HSPBP1: variants seen among roughly 807,000 people sequenced by gnomAD.
The protein encoded by HSPBP1 is HSPA (Hsp70) binding protein 1.
In HSPBP1, 31 loss-of-function variants were observed where a neutral mutation model predicts 41.7. The ratio of observed to expected loss-of-function variants is 0.74; its 90% CI spans 0.56 to 1.00. The LOEUF (loss-of-function observed/expected upper bound fraction) is 1.00. Ranked by LOEUF, HSPBP1 falls within the 50% of genes least tolerant of loss-of-function variation. HSPBP1 has a pLI of 0.00. For missense variants in HSPBP1, 439 were observed against 487.9 expected, an observed-to-expected ratio of 0.90 and a Z score of 0.94; for synonymous variants, 199 against 214.4, an observed-to-expected ratio of 0.93 and a Z score of 0.63.
chr19:55,266,055 C>T, intron 5 of HSPBP1, 73 bp from the exon 6 acceptor site: 1 of 1,561,738 alleles, frequency 6.4e-7, no homozygotes. Context: ...ATGCCTGTTC[C>T]TCCCCTTCTC....
chr19:55,278,923 C>CCCCAA (rs764250410), intron 2 of HSPBP1, among the ~76,000 whole-genome samples: 130 of 90,630 alleles, frequency 1.4e-3, no homozygotes, highest in East Asian at 1.9e-3. Context: ...CTGCCCCCAC[C>CCCCAA]AAAAAAAAAA....
At chr19:55,278,289 T>C (rs746812530) in intron 2 of HSPBP1, among the ~76,000 whole-genome samples, 4 of 152,178 alleles carry the variant, frequency 2.6e-5, no homozygotes, top group Admixed American at 2.6e-4. Flanking sequence ...GCTGGAATTT[T>C]TGGGGGTGAG....
intron 4 of HSPBP1, 32 bp downstream of exon 4, chr19:55,274,366 A>G: frequency 4.4e-6 from 1 of 228,480 alleles, no homozygotes; most frequent in East Asian, 1.1e-4. Flanking sequence ...CACCGCCAGC[A>G]CCCCTGTCCC....
intron 3 of HSPBP1, among the ~76,000 whole-genome samples, chr19:55,276,700 G>C (rs528016479): frequency 9.2e-5 from 14 of 152,228 alleles, no homozygotes; most frequent in African/African-American, 3.1e-4. Flanking sequence ...ATTGGAGCAG[G>C]AGTTCTCTGC....
At chr19:55,273,049 A>C (rs4806655) in intron 4 of HSPBP1, among the ~76,000 whole-genome samples, 36,831 of 151,994 alleles carry the variant, frequency 0.24, 4,682 homozygotes, top group Middle Eastern at 0.34. Flanking sequence ...CAGGCTGGAG[A>C]TGCAATCATG....
chr19:55,273,482 C>G (rs1435114580), intron 4 of HSPBP1, among the ~76,000 whole-genome samples: 7 of 152,208 alleles, frequency 4.6e-5, no homozygotes, highest in Admixed American at 1.3e-4. Context: ...TCTCCAGACC[C>G]CCTGGCCCGA....
chr19:55,274,345 G>GGCCCCCCCCCC, intron 4 of HSPBP1, 53 bp downstream of exon 4: 3 of 552,674 alleles, frequency 5.4e-6, no homozygotes, highest in East Asian at 7.5e-5. Flanking sequence ...GGCCCACCCG[G>GGCCCCCCCCCC]CACCCCCCCC....
chr19:55,264,837 C>G (rs990301449), intron 7 of HSPBP1, among the ~76,000 whole-genome samples: 1 of 152,128 alleles, frequency 6.6e-6, no homozygotes, highest in African/African-American at 2.4e-5. Context: ...GTGAAATGCA[C>G]GAGAACACGA....
Position 55,264,670 on chromosome 19 carries a change from T to G in HSPBP1, c.1005+608A>C, listed in dbSNP as rs1377723284. ...TTATATTCAATTTACATTTACTTAA[T>G]GTAAAACAACTGTATTGGGTAATTT... On this transcript the variant is annotated intron_variant, in intron 7 of 7. Coordinates refer to ENST00000433386, the MANE Select transcript of HSPBP1 (RefSeq NM_012267.5). 2.6e-5 allele frequency among the ~76,000 whole-genome samples: 4 copies of G among 152,236 alleles called. No homozygotes were observed. In the East Asian group the frequency reaches 7.7e-4, roughly 29 times the overall value.
chr19:55,266,021 C>A (rs766289287), intron 5 of HSPBP1, 39 bp from the exon 6 acceptor site: 1 of 1,572,382 alleles, frequency 6.4e-7, no homozygotes, highest in South Asian at 1.2e-5. Flanking sequence ...GGCAGCCCCA[C>A]CCATCTCCTA....
chr19:55,267,266 T>C (rs2122823539), intron 4 of HSPBP1, among the ~76,000 whole-genome samples: 2 of 152,300 alleles, frequency 1.3e-5, no homozygotes, highest in East Asian at 3.9e-4. Context: ...TTCTTCAGCC[T>C]CAGCCCCCCA....
chr19:55,267,139 TTTATTTATTTAC>T (rs1333590613), intron 4 of HSPBP1, among the ~76,000 whole-genome samples: 3 of 152,190 alleles, frequency 2.0e-5, no homozygotes, highest in Non-Finnish European at 4.4e-5. Flanking sequence ...ATTTTTTTAT[TTTATTTATTTAC>T]TTATTTATTT....
chr19:55,279,886 C>T (rs2088186662), intron 1 of HSPBP1, 149 bp downstream of exon 1: 8 of 607,974 alleles, frequency 1.3e-5, no homozygotes, highest in Middle Eastern at 4.4e-4. Context: ...TGGCAACAAC[C>T]CCCCTTCCCC....
chr19:55,279,810 C>T (rs2088184877), intron 1 of HSPBP1, 108 bp from the exon 2 acceptor site: 1 of 1,267,820 alleles, frequency 7.9e-7, no homozygotes, highest in Admixed American at 2.2e-5. Context: ...TTCATACCCA[C>T]AGGACCCTTC....
intron 7 of HSPBP1, 139 bp from the exon 8 acceptor site, chr19:55,262,821 T>A (rs1253209542): frequency 2.3e-5 from 16 of 704,596 alleles, no homozygotes; most frequent in Admixed American, 1.7e-4. Flanking sequence ...TAGGCTTTTT[T>A]AATCACTGCT....
Position 55,262,667 on chromosome 19 carries a change from A to G in HSPBP1, c.1021T>C (p.Cys341Arg). 6.2e-7 allele frequency: 1 copy of G among 1,613,476 alleles called. No individual in the cohort carries two copies. The highest frequency in any genetic ancestry group is 8.5e-7 in the Non-Finnish European group (1 of 1,179,700). ...AAACAGGTCTGTAGCAGCTTTTCAC[A>G]GAACTCCAGCTCCTCCTGGATTGGG... is the stretch of plus-strand genomic sequence containing the variant. ...HEEYQEELEF[C>R]EKLLQTCFSS... Residue 341 changes from cysteine to arginine, a missense_variant, in exon 8 of 8, where the codon TGT becomes CGT. Physicochemically the swap from Cys to Arg is radical, Grantham distance 180. Coordinates refer to ENST00000433386, the MANE Select transcript of HSPBP1 (RefSeq NM_012267.5).
At chr19:55,279,168 A>T (rs1204690320) in intron 2 of HSPBP1, among the ~76,000 whole-genome samples, 1 of 152,198 alleles carries the variant, frequency 6.6e-6, no homozygotes, top group Non-Finnish European at 1.5e-5. Context: ...AATCCAGGTT[A>T]GTCTGGCTCT....
chr19:55,266,497 T>G (rs147554734), intron 4 of HSPBP1, among the ~76,000 whole-genome samples: 1 of 2,210 alleles, frequency 4.5e-4, no homozygotes, highest in African/African-American at 1.8e-3. Context: ...CCACCATCAC[T>G]ATCACCATCA....
At position 55,270,578 on chromosome 19, in the gene HSPBP1, A is replaced by G. The variant is rs974491115; in HGVS notation, c.640+3820T>C. ...AAAGATAAGCTACTGTTGCTTAAGA[A>G]AAAAGGACAGAGGCAGGTCAAGGTG... On this transcript the variant is annotated intron_variant, in intron 4 of 7. Transcript: ENST00000433386. This position sits in a 1 kb window ranked among gnomAD's most constrained non-coding sequence, Gnocchi z 5.4. Among the ~76,000 whole-genome samples the G allele has an allele frequency of 5.3e-5, 8 of 152,152 alleles. No homozygotes were observed. Among genetic ancestry groups the G allele is most frequent in the Non-Finnish European group, 1.2e-4 (8 of 68,034 alleles).
Sources: gnomAD v4.1 joint callset for allele counts (sites outside exome capture counted in the v4.1 genomes callset) on GRCh38, gnomAD v4.1.1 for gene constraint, Gnocchi (gnomAD v3.1) non-coding constraint, MANE v1.5 for transcripts, NCBI Gene and HGNC (gene_info 2026-07-23, HGNC 2026-07-21) for gene names.